Variants in ATP6V0A4 observed in about 807,000 individuals in gnomAD.
ATP6V0A4 encodes the protein V-type proton ATPase 116 kDa subunit a 4.
Under a neutral mutation model 107.3 loss-of-function variants are expected in ATP6V0A4, and 86 were observed. The observed-to-expected ratio is 0.80, with a 90% CI of 0.67 to 0.96. ATP6V0A4 has a LOEUF of 0.96. ATP6V0A4 is among the 40% of genes least tolerant of loss of function. The probability of loss-of-function intolerance (pLI) is 0.00; values close to 1 mark genes in which losing one functional copy is unlikely to be tolerated. For missense variants in ATP6V0A4, 908 were observed against 1,045.6 expected (o/e 0.87, Z 1.81); for synonymous variants, 353 against 381.4 (o/e 0.93, Z 0.87).
intron 2 of ATP6V0A4, among the ~76,000 whole-genome samples, chr7:138,777,505 A>C (rs1402166970): frequency 6.6e-6 from 1 of 151,658 alleles, no homozygotes; most frequent in Admixed American, 6.6e-5. Flanking sequence ...AATCCCAGCT[A>C]CTCAAGAGGC....
intron 19 of ATP6V0A4, among the ~76,000 whole-genome samples, chr7:138,719,478 G>A (rs1411992364): frequency 6.6e-6 from 1 of 152,126 alleles, no homozygotes; most frequent in Admixed American, 6.6e-5. Flanking sequence ...CAACTGCTGG[G>A]GCTGCATCCA....
At chr7:138,731,202 T>G (rs1804996633) in intron 17 of ATP6V0A4, among the ~76,000 whole-genome samples, 1 of 152,194 alleles carries the variant, frequency 6.6e-6, no homozygotes. Flanking sequence ...CCCAAAGTGA[T>G]GGGATTACAG....
intron 2 of ATP6V0A4, among the ~76,000 whole-genome samples, chr7:138,781,278 CT>C (rs1329002021): frequency 6.6e-6 from 1 of 152,020 alleles, no homozygotes; most frequent in Non-Finnish European, 1.5e-5. Context: ...TATACAAAAA[CT>C]TAATTCCAGG....
In ATP6V0A4 at chr7:138,709,973, CA is replaced by C. The variant is rs200093469; in HGVS notation, c.2258-179del. On this transcript the variant is annotated intron_variant, in intron 20 of 21. Coordinates refer to ENST00000310018, the MANE Select transcript of ATP6V0A4 (RefSeq NM_020632.3). ...AAGCAATCCTCCTGTCTCAGCCTCC[CA>C]AAGTGCTGGGAAATCAGGCGTGAGC... 1,573 of 312,370 alleles carry C rather than the reference CA, an allele frequency of 5.0e-3. 23 individuals are homozygous for C. Among genetic ancestry groups the C allele is most frequent in the African/African-American group, 0.033 (1,485 of 44,404 alleles). The allele number at this position is 312,370 out of a possible 1,614,324, so 19.3% of individuals were successfully genotyped here. A position where few individuals can be genotyped will look rare whatever the true frequency, so the allele number is the denominator to read the frequency against.
intron 2 of ATP6V0A4, among the ~76,000 whole-genome samples, chr7:138,775,067 G>A (rs1364827286): frequency 6.6e-6 from 1 of 152,152 alleles, no homozygotes; most frequent in East Asian, 1.9e-4. Context: ...TGCTTCTCCA[G>A]GGTGGTGCAC....
chr7:138,777,631 A>ATACACACACAC (rs1274092641), intron 2 of ATP6V0A4, among the ~76,000 whole-genome samples: 13 of 119,824 alleles, frequency 1.1e-4, no homozygotes, highest in African/African-American at 3.9e-4. Flanking sequence ...AAAAAAAAAA[A>ATACACACACAC]ATACACACAC....
At chr7:138,759,293 G>A (rs553743020) in intron 8 of ATP6V0A4, among the ~76,000 whole-genome samples, 1 of 151,608 alleles carries the variant, frequency 6.6e-6, no homozygotes, top group Non-Finnish European at 1.5e-5. Context: ...GACCTCAAAC[G>A]ATCCTCCCAC....
intron 19 of ATP6V0A4, among the ~76,000 whole-genome samples, chr7:138,716,563 ACAAT>A (rs1804044820): frequency 2.9e-5 from 2 of 69,910 alleles, no homozygotes; most frequent in African/African-American, 1.3e-4. Flanking sequence ...GATGTGACAG[ACAAT>A]TTTTTTTTGG....
intron 8 of ATP6V0A4, among the ~76,000 whole-genome samples, chr7:138,758,178 C>T (rs772365158): frequency 2.6e-5 from 4 of 152,050 alleles, no homozygotes; most frequent in African/African-American, 4.8e-5. Flanking sequence ...GATTTAATGT[C>T]AAATTTAAAA....
intron 19 of ATP6V0A4, among the ~76,000 whole-genome samples, chr7:138,717,007 C>A (rs1423593764): frequency 6.6e-6 from 1 of 152,178 alleles, no homozygotes; most frequent in Admixed American, 6.5e-5. Flanking sequence ...ACAGAGAAGG[C>A]CCCTTACCCA....
At chr7:138,797,598 A>G (rs369888604) in intron 1 of ATP6V0A4, among the ~76,000 whole-genome samples, 1 of 151,804 alleles carries the variant, frequency 6.6e-6, no homozygotes, top group Non-Finnish European at 1.5e-5. Flanking sequence ...TATCCTCCCA[A>G]GCCATTCCTC....
At chr7:138,707,235 T>C (rs371260375) in intron 21 of ATP6V0A4, among the ~76,000 whole-genome samples, 1 of 67,994 alleles carries the variant, frequency 1.5e-5, no homozygotes, top group Non-Finnish European at 2.6e-5. Flanking sequence ...TATTATATAA[T>C]ATATATTATA....
At chr7:138,793,849 G>A (rs1195540147) in intron 1 of ATP6V0A4, among the ~76,000 whole-genome samples, 1 of 152,124 alleles carries the variant, frequency 6.6e-6, no homozygotes, top group Non-Finnish European at 1.5e-5. Context: ...CGCGTGTCTG[G>A]ACCATAGCTG....
chr7:138,729,371 C>G (rs998619881), intron 17 of ATP6V0A4, among the ~76,000 whole-genome samples: 1 of 152,154 alleles, frequency 6.6e-6, no homozygotes, highest in Non-Finnish European at 1.5e-5. Context: ...TTGCTCCTAT[C>G]TCTTAAAAAA....
intron 5 of ATP6V0A4, among the ~76,000 whole-genome samples, chr7:138,765,658 C>G (rs1341366187): frequency 6.6e-6 from 1 of 152,200 alleles, no homozygotes; most frequent in Non-Finnish European, 1.5e-5. Flanking sequence ...CAGGATTAGT[C>G]AAATCAATCA....
chr7:138,733,189 AT>A, intron 16 of ATP6V0A4, 96 bp from the exon 17 acceptor site: 21 of 1,550,564 alleles, frequency 1.4e-5, no homozygotes, highest in Non-Finnish European at 1.2e-5. Flanking sequence ...AAAATGTTCT[AT>A]CTTTTTTTTT....
chr7:138,761,239 G>C (rs764690036), intron 7 of ATP6V0A4, among the ~76,000 whole-genome samples: 5 of 152,124 alleles, frequency 3.3e-5, no homozygotes, highest in African/African-American at 4.8e-5. Context: ...GGCAGAGGTA[G>C]GAAGATCACT....
intron 10 of ATP6V0A4, among the ~76,000 whole-genome samples, chr7:138,754,592 AC>A (rs994374346): frequency 6.6e-6 from 1 of 152,062 alleles, no homozygotes; most frequent in Non-Finnish European, 1.5e-5. Context: ...TACCACAGCC[AC>A]ATGCAGCTAC....
At position 138,764,523 on chromosome 7, in the gene ATP6V0A4, T is replaced by A. The variant is rs148801666; in HGVS notation, c.292-1498A>T. ...GTGATAATTGAACCAGTAGCAAATATTATGAGAAAAATTTAGTGAATATGT... is the reference window on the plus strand; with the variant it reads ...GTGATAATTGAACCAGTAGCAAATAATATGAGAAAAATTTAGTGAATATGT... On this transcript the variant is annotated intron_variant, in intron 5 of 21. Transcript: ENST00000310018. Among the ~76,000 whole-genome samples the A allele has an allele frequency of 2.9e-3, 442 of 152,174 alleles. 1 individual carries two copies. Among genetic ancestry groups the A allele is most frequent in the Non-Finnish European group, 5.0e-3 (343 of 68,008 alleles).
Sources: gnomAD v4.1 joint callset for allele counts (sites outside exome capture counted in the v4.1 genomes callset) on GRCh38, gnomAD v4.1.1 for gene constraint, MANE v1.5 for transcripts, NCBI Gene and HGNC (gene_info 2026-07-23, HGNC 2026-07-21) for gene names.